The following ZNF853 variants were observed in gnomAD, a reference collection of about 807,000 sequenced individuals.
The protein encoded by ZNF853 is zinc finger protein 853.
Under a neutral mutation model 94.7 loss-of-function variants are expected in ZNF853, and 57 were observed. The observed-to-expected ratio is 0.60, with a 90% CI of 0.49 to 0.75. The LOEUF is 0.75. Among genes scored for constraint, ZNF853 ranks in the 30% least tolerant of loss-of-function variants. ZNF853 has a pLI of 0.00. For synonymous variants in ZNF853, 448 were observed against 406.3 expected, an observed-to-expected ratio of 1.10 and a Z score of -1.23; for missense variants, 785 against 868.9, an observed-to-expected ratio of 0.90 and a Z score of 1.21.
At position 6,621,402 on chromosome 7, in the gene ZNF853, A is replaced by G. The variant is rs1174960383; in HGVS notation, c.411A>G (p.Lys137=). Residue 137 remains lysine (K), a synonymous_variant, in exon 3 of 3, where the codon AAA becomes AAG. Transcript: ENST00000457543. ...AGCTATCTCAACTACAACAGGAAAA[A>G]CACCAATCCGTGCACCATCAGGAAC... ...QQQLSQLQQE[K]HQSVHHQELK... is the part of the protein sequence containing the mutation. The G allele has an allele frequency of 1.3e-6, 2 of 1,551,608 alleles. No homozygotes were observed. Among genetic ancestry groups the G allele is most frequent in the African/African-American group, 2.7e-5 (2 of 73,030 alleles).
intron 1 of ZNF853, 111 bp from the exon 2 acceptor site, chr7:6,617,079 C>T: frequency 1.3e-6 from 1 of 753,218 alleles, no homozygotes; most frequent in Admixed American, 2.8e-5. Context: ...ATGGAGCTGA[C>T]CGCTCTGGGT....
Position 6,621,354 on chromosome 7 carries a change from G to A in ZNF853, c.363G>A (p.Gln121=). The A allele has an allele frequency of 6.4e-7, 1 of 1,551,746 alleles. No individual in the cohort carries two copies. The highest frequency in any genetic ancestry group is 8.7e-7 in the Non-Finnish European group (1 of 1,147,020). ...AGCCACACCTAGAACTGCAACAGCA[G>A]CCGCAGCAAGATGGGCAACAACAGC... ...QPQPHLELQQ[Q]PQQDGQQQLS... is the part of the protein sequence containing the mutation. Residue 121 remains glutamine, a synonymous_variant, in exon 3 of 3, where the codon CAG becomes CAA. Transcript: ENST00000457543.
intron 2 of ZNF853, among the ~76,000 whole-genome samples, chr7:6,618,307 A>G: frequency 2.0e-5 from 3 of 152,014 alleles, no homozygotes; most frequent in African/African-American, 7.2e-5. Flanking sequence ...AAAAAAAAGA[A>G]GAAGAGGAAA....
rs1782606861 is a variant in ZNF853, at chr7:6,621,594, A to G, written c.603A>G (p.Gln201=). The G allele has an allele frequency of 1.3e-6, 2 of 1,551,204 alleles. No individual in the cohort carries two copies. The highest frequency in any genetic ancestry group is 2.7e-5 in the African/African-American group (2 of 73,018). ...AGCTACAGCAGCAAGTGCAAGAGCA[A>G]CAGCTGTTACAGCAACAGCAGGAAC... ...QEQLQQQVQE[Q]QLLQQQQEQL... Residue 201 remains glutamine (Q), a synonymous_variant, in exon 3 of 3, where the codon CAA becomes CAG. Transcript: ENST00000457543.
chr7:6,616,549 T>A, intron 1 of ZNF853, among the ~76,000 whole-genome samples: 1 of 151,968 alleles, frequency 6.6e-6, no homozygotes, highest in Non-Finnish European at 1.5e-5. Context: ...AGACCAGCCT[T>A]GGGCAACATC....
chr7:6,622,427 G>A lies in ZNF853; in HGVS notation c.1436G>A (p.Arg479His). 1 of 1,428,134 alleles carries A rather than the reference G, an allele frequency of 7.0e-7. No homozygotes were observed. Among genetic ancestry groups the A allele is most frequent in the Non-Finnish European group, 9.1e-7 (1 of 1,100,898 alleles). 88.5% of individuals were successfully genotyped at this position (1,428,134 alleles called of 1,614,324 possible). Residue 479 changes from arginine to histidine, a missense_variant, in exon 3 of 3, where the codon CGC (arginine) becomes CAC (histidine). Arg to His is a conservative substitution (Grantham distance 29, BLOSUM62 0). Transcript: ENST00000457543. Reference protein sequence around the residue: ...LTPARQRRRRRARDRPTICGE... With the variant: ...LTPARQRRRRHARDRPTICGE... ...CCTGCACGGCAGCGGCGGCGGCGGCGCGCTCGGGACCGGCCGACCATCTGC... is the reference window on the plus strand; with the variant it reads ...CCTGCACGGCAGCGGCGGCGGCGGCACGCTCGGGACCGGCCGACCATCTGC...
In ZNF853 at chr7:6,622,866, C is replaced by T. The variant is rs1782664717; in HGVS notation, c.1875C>T (p.Ser625=). The T allele has an allele frequency of 7.0e-7, 1 of 1,422,352 alleles. No individual in the cohort carries two copies. The highest frequency in any genetic ancestry group is 9.1e-7 in the Non-Finnish European group (1 of 1,093,312). The allele number at this position is 1,422,352 out of a possible 1,614,324, so 88.1% of individuals were successfully genotyped here. The change falls in exon 3 of 3, where the codon TCC becomes TCT. Residue 625 remains serine, a synonymous_variant. Coordinates refer to ENST00000457543, the MANE Select transcript of ZNF853 (RefSeq NM_017560.3). ...HERQLHGAGR[S]RGLGLLRASR... is the part of the protein sequence containing the mutation. ...GCCAGCTGCACGGCGCGGGCCGCTC[C>T]AGGGGCCTCGGCCTGCTGCGCGCCT... is the stretch of plus-strand genomic sequence containing the variant.
chr7:6,621,729 G>A lies in ZNF853; in HGVS notation c.738G>A (p.Gln246=). 2 of 1,551,014 alleles carry A rather than the reference G, an allele frequency of 1.3e-6. No individual in the cohort carries two copies. The highest frequency in any genetic ancestry group is 1.2e-5 in the South Asian group (1 of 84,040). The change falls in exon 3 of 3, where the codon CAG becomes CAA. Residue 246 remains glutamine (Q), a synonymous_variant. Coordinates refer to ENST00000457543, the MANE Select transcript of ZNF853 (RefSeq NM_017560.3). ...AGCAGCAGCTACTATTGCTGCAGCA[G>A]CAGGGACAGTTACAGCAGCAACTGT... ...QQQQQLLLLQ[Q]QGQLQQQLLQ... is the part of the protein sequence containing the mutation.
intron 2 of ZNF853, among the ~76,000 whole-genome samples, chr7:6,620,038 A>C: frequency 6.6e-6 from 1 of 152,160 alleles, no homozygotes; most frequent in African/African-American, 2.4e-5. Flanking sequence ...AGCACCTACC[A>C]GGCTCCAGGT....
chr7:6,618,718 C>T lies in ZNF853; in HGVS notation c.130+1411C>T. The stretch of plus-strand genomic sequence containing the variant: ...AGAGTGAGATCCTGTTTAAAACAAA[C>T]AAACAAACAAAAACTGAAATTGCTG... On this transcript the variant is annotated intron_variant, in intron 2 of 2. Transcript: ENST00000457543. Among the ~76,000 whole-genome samples the T allele has an allele frequency of 7.9e-5, 12 of 152,174 alleles. No individual in the cohort carries two copies. In the East Asian group the frequency reaches 2.3e-3, roughly 29 times the overall value.
At position 6,623,058 on chromosome 7, in the gene ZNF853, G is replaced by A. The variant is rs1033164236; in HGVS notation, c.*87G>A. The A allele has an allele frequency of 4.4e-6, 5 of 1,148,360 alleles. No homozygotes were observed. The highest frequency in any genetic ancestry group is 1.6e-5 in the African/African-American group (1 of 62,862). The allele number at this position is 1,148,360 out of a possible 1,614,324, so 71.1% of individuals were successfully genotyped here. A position where few individuals can be genotyped will look rare whatever the true frequency, so the allele number is the denominator to read the frequency against. On this transcript the variant is annotated 3_prime_UTR_variant, in exon 3 of 3. Coordinates refer to ENST00000457543, the MANE Select transcript of ZNF853 (RefSeq NM_017560.3). ...TCCTTGACCCGGGTTCATGGGCGCT[G>A]GAGGCGTCCTGGAATATCCCTGGAG...
At chr7:6,620,493 G>A in intron 2 of ZNF853, among the ~76,000 whole-genome samples, 1 of 152,118 alleles carries the variant, frequency 6.6e-6, no homozygotes, top group South Asian at 2.1e-4. Flanking sequence ...CTGTGTAAAG[G>A]GAAGCTCCAA....
intron 2 of ZNF853, among the ~76,000 whole-genome samples, chr7:6,620,543 G>A: frequency 6.6e-6 from 1 of 150,936 alleles, no homozygotes; most frequent in Non-Finnish European, 1.5e-5. Flanking sequence ...GAGGTCACCA[G>A]CAGTCCCTTG....
intron 2 of ZNF853, 104 bp downstream of exon 2, chr7:6,617,411 C>A: frequency 2.0e-6 from 2 of 1,003,338 alleles, no homozygotes; most frequent in Non-Finnish European, 2.8e-6. Context: ...CACCAGCCAA[C>A]CTCAGCTGCA....
Position 6,616,071 on chromosome 7 carries a change from G to T in ZNF853, c.-104G>T. On this transcript the variant is annotated 5_prime_UTR_variant, in exon 1 of 3. Transcript: ENST00000457543. ...GGCCCTGCGCCTCCTGGCTCTTTCT[G>T]GATGGAGGCGCCTCCGGAAGGAGCC... 8.2e-7 allele frequency: 1 copy of T among 1,220,262 alleles called. No individual in the cohort carries two copies. The highest frequency in any genetic ancestry group is 1.2e-6 in the Non-Finnish European group (1 of 867,558). The allele number at this position is 1,220,262 out of a possible 1,614,324, so 75.6% of individuals were successfully genotyped here.
Position 6,622,854 on chromosome 7 carries a change from C to T in ZNF853, c.1863C>T (p.Gly621=), listed in dbSNP as rs778461138. 1.0e-5 allele frequency: 15 copies of T among 1,472,422 alleles called. No homozygotes were observed. The highest frequency in any genetic ancestry group is 1.3e-5 in the Non-Finnish European group (15 of 1,116,220). The allele number at this position is 1,472,422 out of a possible 1,614,324, so 91.2% of individuals were successfully genotyped here. A position where few individuals can be genotyped will look rare whatever the true frequency, so the allele number is the denominator to read the frequency against. ...GCCGCCACGAGCGCCAGCTGCACGG[C>T]GCGGGCCGCTCCAGGGGCCTCGGCC... The part of the protein sequence containing the change: ...QIRRHERQLH[G]AGRSRGLGLL... Residue 621 remains glycine (G), a synonymous_variant, in exon 3 of 3, where the codon GGC becomes GGT. Coordinates refer to ENST00000457543, the MANE Select transcript of ZNF853 (RefSeq NM_017560.3).
At chr7:6,616,717 A>T in intron 1 of ZNF853, among the ~76,000 whole-genome samples, 3 of 151,302 alleles carry the variant, frequency 2.0e-5, no homozygotes, top group Non-Finnish European at 4.4e-5. Flanking sequence ...CCTGGGTGAC[A>T]GAGTGAGAAT....
At position 6,621,975 on chromosome 7, in the gene ZNF853, C is replaced by T. The variant is rs1934967550; in HGVS notation, c.984C>T (p.Asp328=). The T allele has an allele frequency of 6.4e-7, 1 of 1,550,696 alleles. No homozygotes were observed. Among genetic ancestry groups the T allele is most frequent in the Non-Finnish European group, 8.7e-7 (1 of 1,146,950 alleles). Residue 328 remains aspartate, a synonymous_variant, in exon 3 of 3, where the codon GAC becomes GAT. Transcript: ENST00000457543. ...TGGAGCTGGAGCTCATGCCGGTGGA[C>T]CTGGGGTCAGAGCAGGAGCTGGAGC... ...EEVELELMPV[D]LGSEQELEQQ...
At chr7:6,616,570 TAA>T in intron 1 of ZNF853, among the ~76,000 whole-genome samples, 1 of 151,622 alleles carries the variant, frequency 6.6e-6, no homozygotes, top group Non-Finnish European at 1.5e-5. Flanking sequence ...ATCTACAATA[TAA>T]AAAAACATAA....
Sources: gnomAD v4.1 joint callset for allele counts (sites outside exome capture counted in the v4.1 genomes callset) on GRCh38, gnomAD v4.1.1 for gene constraint, MANE v1.5 for transcripts, NCBI Gene and HGNC (gene_info 2026-07-23, HGNC 2026-07-21) for gene names.